The following SETX variants were observed in gnomAD, a reference collection of about 807,000 sequenced individuals.
SETX encodes the protein senataxin.
SETX carries 90 observed loss-of-function variants against 227.2 expected under a neutral mutation model. The observed-to-expected ratio is 0.40, with a 90% CI of 0.33 to 0.47. SETX has a LOEUF of 0.47. Ranked by LOEUF, SETX falls within the 20% of genes least tolerant of loss-of-function variation. The pLI is 0.91. For synonymous variants in SETX, 1,210 were observed against 1,113.2 expected (o/e 1.09, Z -1.73); for missense variants, 3,052 against 3,181.5 (o/e 0.96, Z 0.98).
rs181831483 is a variant in SETX, at chr9:132,289,347, G to A, written c.6107-696C>T. Among the ~76,000 whole-genome samples, 16 of 152,068 alleles carry A rather than the reference G, an allele frequency of 1.1e-4. No individual in the cohort carries two copies. In the East Asian group the frequency reaches 2.9e-3, roughly 28 times the overall value. Reference sequence around the variant, plus strand: ...AGCACAAAGAAAATTTACCTAAACCGCCATTCCTATACATTAGGTGTATGA... The same window carrying A: ...AGCACAAAGAAAATTTACCTAAACCACCATTCCTATACATTAGGTGTATGA... On this transcript the variant is annotated intron_variant, in intron 15 of 25. Coordinates refer to ENST00000224140, the MANE Select transcript of SETX (RefSeq NM_015046.7).
intron 23 of SETX, among the ~76,000 whole-genome samples, chr9:132,274,743 G>C (rs1843073304): frequency 6.6e-6 from 1 of 152,080 alleles, no homozygotes; most frequent in African/African-American, 2.4e-5. Context: ...ACCACACCCA[G>C]CCTACAGGTC....
chr9:132,327,661 G>T lies in SETX; in HGVS notation c.3937C>A (p.His1313Asn). The T allele has an allele frequency of 6.2e-7, 1 of 1,613,866 alleles. No homozygotes were observed. The highest frequency in any genetic ancestry group is 8.5e-7 in the Non-Finnish European group (1 of 1,179,942). ...TCAACTACTCCAACAGTTTTGCCAT[G>T]ATCACGTAATTGAGCTACATAATCC... ...SLDYVAQLRD[H>N]GKTVGVVDTR... Residue 1313 changes from histidine (H) to asparagine (N), a missense_variant, in exon 10 of 26, where the codon CAT (histidine) becomes AAT (asparagine). This residue lies in a region of SETX where 1,483 missense variants were observed against 1,312.0 expected (regional missense o/e 1.13). Coordinates refer to ENST00000224140, the MANE Select transcript of SETX (RefSeq NM_015046.7).
intron 5 of SETX, among the ~76,000 whole-genome samples, chr9:132,339,542 A>G (rs1021027456): frequency 6.6e-6 from 1 of 152,166 alleles, no homozygotes; most frequent in African/African-American, 2.4e-5. Flanking sequence ...GAACCTAACT[A>G]TGGTTTTTTA....
chr9:132,334,144 A>G (rs1847441210), intron 7 of SETX, among the ~76,000 whole-genome samples: 1 of 152,212 alleles, frequency 6.6e-6, no homozygotes, highest in Non-Finnish European at 1.5e-5. Context: ...GAAGGTATTG[A>G]ATTAAATTAT....
chr9:132,304,656 G>T (rs77871503), intron 11 of SETX, among the ~76,000 whole-genome samples: 15,864 of 149,924 alleles, frequency 0.11, 931 homozygotes, highest in East Asian at 0.24. Context: ...AAGAAAGAAA[G>T]AAAAGAAAAA....
intron 11 of SETX, among the ~76,000 whole-genome samples, chr9:132,305,051 T>C (rs1250237825): frequency 6.7e-6 from 1 of 149,314 alleles, no homozygotes; most frequent in African/African-American, 2.5e-5. Flanking sequence ...TATTTGGGGA[T>C]ATAAAAAACT....
chr9:132,273,547 C>T (rs552170927), intron 23 of SETX, among the ~76,000 whole-genome samples: 2 of 152,296 alleles, frequency 1.3e-5, no homozygotes, highest in South Asian at 4.1e-4. Flanking sequence ...CTATTTATTC[C>T]GAAGTGTTTT....
intron 11 of SETX, among the ~76,000 whole-genome samples, chr9:132,304,330 T>C (rs1845198098): frequency 6.6e-6 from 1 of 152,088 alleles, no homozygotes; most frequent in South Asian, 2.1e-4. Flanking sequence ...AACTGCATAC[T>C]GTAGGTAGAA....
chr9:132,278,803 CACAG>C (rs1271909709), intron 20 of SETX, among the ~76,000 whole-genome samples: 2 of 152,162 alleles, frequency 1.3e-5, no homozygotes, highest in Non-Finnish European at 2.9e-5. Context: ...GGTACACCCT[CACAG>C]ACAGACATAT....
At chr9:132,315,717 AATG>A in intron 10 of SETX, among the ~76,000 whole-genome samples, 1 of 152,240 alleles carries the variant, frequency 6.6e-6, no homozygotes, top group Middle Eastern at 3.4e-3. Flanking sequence ...CATCAAACTC[AATG>A]ATGACCTCCT....
In SETX at chr9:132,328,038, T is replaced by TCAGACTGGC. The variant is rs748368514; in HGVS notation, c.3551_3559dup (p.Gly1184_Ser1186dup). On this transcript the variant is annotated inframe_insertion, in exon 10 of 26. Transcript: ENST00000224140. ...TCCCACAAGATCTCTCTTATTAGTA[T>TCAGACTGGC]CAGACTGGCCCTCATTTCTGACAGA... is the stretch of plus-strand genomic sequence containing the variant. The TCAGACTGGC allele has an allele frequency of 1.2e-6, 2 of 1,614,160 alleles. No individual in the cohort carries two copies. Among genetic ancestry groups the TCAGACTGGC allele is most frequent in the Non-Finnish European group, 1.7e-6 (2 of 1,180,030 alleles).
chr9:132,354,495 CAAAA>C (rs11316762), intron 1 of SETX, among the ~76,000 whole-genome samples: 5 of 85,522 alleles, frequency 5.8e-5, no homozygotes, highest in Non-Finnish European at 9.4e-5. Context: ...GACCCCGTCT[CAAAA>C]AAAAAAAAAA....
intron 5 of SETX, among the ~76,000 whole-genome samples, chr9:132,338,897 A>C (rs1200061933): frequency 6.6e-6 from 1 of 152,100 alleles, no homozygotes; most frequent in Non-Finnish European, 1.5e-5. Context: ...AGCTAGGGCT[A>C]CAGGTGTGCA....
chr9:132,303,339 CAA>C (rs76538209), intron 11 of SETX, among the ~76,000 whole-genome samples: 8 of 61,588 alleles, frequency 1.3e-4, no homozygotes, highest in Admixed American at 3.9e-4. Context: ...TTTAAAAAAG[CAA>C]AAAAAAAAAA....
chr9:132,337,024 C>T (rs118119578), intron 5 of SETX, among the ~76,000 whole-genome samples: 2,022 of 152,224 alleles, frequency 0.013, 32 homozygotes, highest in South Asian at 0.053. Context: ...CAAGATCCTA[C>T]CACTGCACTC....
chr9:132,322,746 C>T (rs1846439318), intron 10 of SETX, among the ~76,000 whole-genome samples: 1 of 151,986 alleles, frequency 6.6e-6, no homozygotes, highest in African/African-American at 2.4e-5. Flanking sequence ...AAGGAATTAA[C>T]AGAAAGGACT....
intron 7 of SETX, among the ~76,000 whole-genome samples, chr9:132,331,799 C>T (rs1343044106): frequency 6.6e-6 from 1 of 152,124 alleles, no homozygotes; most frequent in Admixed American, 6.5e-5. Flanking sequence ...AGCTCCTCAA[C>T]CCCTGCCAAA....
chr9:132,300,294 T>C (rs1397797289), intron 12 of SETX, among the ~76,000 whole-genome samples: 1 of 152,186 alleles, frequency 6.6e-6, no homozygotes, highest in Non-Finnish European at 1.5e-5. Flanking sequence ...GTGAGTTTTA[T>C]GTTTGGTCAT....
intron 19 of SETX, among the ~76,000 whole-genome samples, chr9:132,281,936 T>G (rs1223427832): frequency 6.7e-6 from 1 of 148,874 alleles, no homozygotes; most frequent in Non-Finnish European, 1.5e-5. Flanking sequence ...GCAGGAGAAC[T>G]GCTTGAACCC....
Sources: allele counts gnomAD v4.1 joint callset (sites outside exome capture counted in the v4.1 genomes callset), GRCh38; gene constraint gnomAD v4.1.1; regional missense constraint gnomAD v4.1.1; transcripts MANE v1.5; gene names NCBI Gene and HGNC (gene_info 2026-07-23, HGNC 2026-07-21).